METTL15: variants seen among roughly 807,000 people sequenced by gnomAD.
METTL15 encodes 12S rRNA N(4)-cytidine methyltransferase METTL15.
In METTL15, 34 loss-of-function variants were observed where a neutral mutation model predicts 38.3. The observed-to-expected ratio is 0.89, with a 90% confidence interval of 0.68 to 1.18. The LOEUF is 1.18. Ranked by LOEUF, METTL15 falls within the 50% of genes most tolerant of loss-of-function variation. METTL15 has a pLI of 0.00. For synonymous variants in METTL15, 162 were observed against 170.9 expected (o/e 0.95, Z 0.41); for missense variants, 438 against 498.4 (o/e 0.88, Z 1.15).
At chr11:28,324,591 C>A (rs779040777) in intron 6 of METTL15, among the ~76,000 whole-genome samples, 1 of 152,188 alleles carries the variant, frequency 6.6e-6, no homozygotes, top group South Asian at 2.1e-4. Flanking sequence ...CTTGCTCCAA[C>A]AAAAATCATA....
chr11:28,146,262 T>C (rs571280195), intron 3 of METTL15, among the ~76,000 whole-genome samples: 2 of 152,192 alleles, frequency 1.3e-5, no homozygotes, highest in African/African-American at 4.8e-5. Context: ...CCTTTTGATC[T>C]TGCATCCTGG....
At chr11:28,222,557 G>C (rs1853289968) in intron 4 of METTL15, among the ~76,000 whole-genome samples, 1 of 152,140 alleles carries the variant, frequency 6.6e-6, no homozygotes, top group South Asian at 2.1e-4. Flanking sequence ...TTCATCCACT[G>C]TCCTGCACCC....
chr11:28,330,052 A>G (rs1375391213), intron 6 of METTL15, among the ~76,000 whole-genome samples: 1 of 151,988 alleles, frequency 6.6e-6, no homozygotes, highest in African/African-American at 2.4e-5. Flanking sequence ...TTTGTTTATT[A>G]TATTTGTGCT....
At chr11:28,334,097 A>G (rs1849878410), downstream of METTL15, among the ~76,000 whole-genome samples, 1 of 151,940 alleles carries the variant, frequency 6.6e-6, no homozygotes, top group East Asian at 1.9e-4. Context: ...AGAAAAATAT[A>G]TGTATATATG....
intron 6 of METTL15, among the ~76,000 whole-genome samples, chr11:28,325,328 C>G (rs1425337762): frequency 6.6e-6 from 1 of 152,178 alleles, no homozygotes; most frequent in Non-Finnish European, 1.5e-5. Context: ...CAGCCATGTT[C>G]CTTAAACTCC....
At chr11:28,185,998 A>C (rs375591607) in intron 3 of METTL15, among the ~76,000 whole-genome samples, 111 of 151,022 alleles carry the variant, frequency 7.3e-4, no homozygotes, top group African/African-American at 2.4e-3. Context: ...CCTGTTTAGC[A>C]ATGTTAAGTT....
In METTL15 at chr11:28,290,357, C is replaced by G. The variant is rs536139864; in HGVS notation, c.559C>G (p.Arg187Gly). The G allele has an allele frequency of 2.5e-6, 4 of 1,612,942 alleles. No individual in the cohort carries two copies. In the East Asian group the frequency reaches 8.9e-5, roughly 36 times the overall value. ...LDTPERGFSL[R>G]KDGPLDMRMD... is the part of the protein sequence containing the mutation. ...TACTCCTGAAAGAGGTTTTTCCCTTCGGAAAGATGGCCCTTTGGACATGAG... is the reference window on the plus strand; with the variant it reads ...TACTCCTGAAAGAGGTTTTTCCCTTGGGAAAGATGGCCCTTTGGACATGAG... The change falls in exon 5 of 7, where the codon CGG becomes GGG. Residue 187 changes from arginine to glycine, a missense_variant. Physicochemically the swap from Arg to Gly is moderately radical, Grantham distance 125. Coordinates refer to ENST00000407364, the MANE Select transcript of METTL15 (RefSeq NM_001113528.2).
chr11:28,152,183 A>G (rs117832929), intron 3 of METTL15, among the ~76,000 whole-genome samples: 3,244 of 151,968 alleles, frequency 0.021, 44 homozygotes, highest in Non-Finnish European at 0.032. Flanking sequence ...GCCCAAGATC[A>G]TGGAGCTAGG....
chr11:28,257,703 T>C (rs1310626741), intron 4 of METTL15, among the ~76,000 whole-genome samples: 2 of 152,206 alleles, frequency 1.3e-5, no homozygotes, highest in African/African-American at 4.8e-5. Flanking sequence ...GTATGCCAAT[T>C]GCATTTTTCA....
chr11:28,241,594 G>T (rs1257530147), intron 4 of METTL15, among the ~76,000 whole-genome samples: 2 of 151,260 alleles, frequency 1.3e-5, no homozygotes, highest in Non-Finnish European at 2.9e-5. Flanking sequence ...GGAACATGGG[G>T]ATTGTAGATA....
intron 3 of METTL15, among the ~76,000 whole-genome samples, chr11:28,153,738 A>G (rs1459844623): frequency 6.6e-6 from 1 of 152,172 alleles, no homozygotes; most frequent in Non-Finnish European, 1.5e-5. Context: ...ATTGGCATTT[A>G]GAAAATCCAA....
At position 28,248,134 on chromosome 11, in the gene METTL15, A is replaced by G. The variant is rs567407531; in HGVS notation, c.407+36936A>G. Among the ~76,000 whole-genome samples, 10 of 152,186 alleles carry G rather than the reference A, an allele frequency of 6.6e-5. No homozygotes were observed. In the East Asian group the frequency reaches 1.9e-3, roughly 29 times the overall value. On this transcript the variant is annotated intron_variant, in intron 4 of 6. Coordinates refer to ENST00000407364, the MANE Select transcript of METTL15 (RefSeq NM_001113528.2). ...TCTCATACTTTTCAGGATGAAATTC[A>G]AAATCCTTTGTAATCGGTTGAAAGC...
chr11:28,333,785 CTATT>C (rs1849874334), downstream of METTL15, among the ~76,000 whole-genome samples: 1 of 151,680 alleles, frequency 6.6e-6, no homozygotes, highest in Non-Finnish European at 1.5e-5. Flanking sequence ...TTGTAGTAAA[CTATT>C]TGTTGTGCTA....
intron 4 of METTL15, among the ~76,000 whole-genome samples, chr11:28,269,853 A>T (rs1855573476): frequency 6.6e-6 from 1 of 152,206 alleles, no homozygotes; most frequent in East Asian, 1.9e-4. Context: ...TTACATGCTG[A>T]TCTCTGCCAG....
At chr11:28,522,719 T>C (rs1851774098) in intron 6 of METTL15, among the ~76,000 whole-genome samples, 1 of 152,164 alleles carries the variant, frequency 6.6e-6, no homozygotes, top group South Asian at 2.1e-4. Context: ...GGAGACTACA[T>C]GACCATCTCA....
At chr11:28,247,653 A>G (rs2133916804) in intron 4 of METTL15, among the ~76,000 whole-genome samples, 1 of 152,264 alleles carries the variant, frequency 6.6e-6, no homozygotes, top group East Asian at 1.9e-4. Flanking sequence ...CTTGTGGGGA[A>G]TGAAAGTACC....
chr11:28,507,238 C>A (rs1851635770), intron 6 of METTL15, among the ~76,000 whole-genome samples: 2 of 152,148 alleles, frequency 1.3e-5, no homozygotes, highest in African/African-American at 4.8e-5. Flanking sequence ...GCTGGGAGGT[C>A]TCAGCAAACT....
intron 4 of METTL15, among the ~76,000 whole-genome samples, chr11:28,289,696 TTCC>T (rs1455565815): frequency 6.6e-6 from 1 of 152,164 alleles, no homozygotes; most frequent in African/African-American, 2.4e-5. Context: ...CATAGTTTCA[TTCC>T]TCAAGTTTAT....
At chr11:28,318,432 TGTAAA>T (rs1416080965) in intron 6 of METTL15, among the ~76,000 whole-genome samples, 1 of 152,056 alleles carries the variant, frequency 6.6e-6, no homozygotes, top group Non-Finnish European at 1.5e-5. Context: ...TATTAATTGA[TGTAAA>T]GTACAAGAAG....
Sources: allele counts gnomAD v4.1 joint callset (sites outside exome capture counted in the v4.1 genomes callset), GRCh38; gene constraint gnomAD v4.1.1; transcripts MANE v1.5; gene names NCBI Gene and HGNC (gene_info 2026-07-23, HGNC 2026-07-21).